SKIL: variants seen among roughly 807,000 people sequenced by gnomAD.
SKIL encodes the protein ski-like protein.
SKIL carries 20 observed loss-of-function variants against 69.6 expected under a neutral mutation model. The observed-to-expected ratio is 0.29, with a 90% CI of 0.20 to 0.42. The LOEUF (loss-of-function observed/expected upper bound fraction) is 0.42, where lower values mean the gene tolerates loss of function less well. Among genes scored for constraint, SKIL ranks in the 10% least tolerant of loss-of-function variants. The pLI, the probability that SKIL is intolerant of heterozygous loss-of-function variation, is 1.00. For synonymous variants in SKIL, 310 were observed against 279.9 expected (o/e 1.11, Z -1.08); for missense variants, 745 against 783.1 (o/e 0.95, Z 0.58).
chr3:170,367,858 A>G (rs1207978450), intron 2 of SKIL, among the ~76,000 whole-genome samples: 3 of 152,216 alleles, frequency 2.0e-5, no homozygotes, highest in African/African-American at 7.2e-5. Flanking sequence ...AAAAATCTCT[A>G]TAGATTACTT....
intron 2 of SKIL, among the ~76,000 whole-genome samples, chr3:170,365,450 T>C (rs1431070258): frequency 6.6e-6 from 1 of 152,140 alleles, no homozygotes; most frequent in East Asian, 1.9e-4. Context: ...TATTTCAGAT[T>C]TTGATTTTTG....
chr3:170,365,066 G>C (rs1035837056), intron 2 of SKIL, among the ~76,000 whole-genome samples: 2 of 152,200 alleles, frequency 1.3e-5, no homozygotes, highest in Non-Finnish European at 2.9e-5. Flanking sequence ...ACGTACTTGA[G>C]TGGTTGTTTT....
chr3:170,359,160 CT>C (rs1242095680), intron 1 of SKIL, among the ~76,000 whole-genome samples: 1 of 152,154 alleles, frequency 6.6e-6, no homozygotes, highest in Non-Finnish European at 1.5e-5. Context: ...CTCGAAAGGC[CT>C]TTTATGTTAT....
Position 170,365,752 on chromosome 3 carries a change from C to CTTTTTTTTTTT in SKIL, c.1098+4334_1098+4344dup, listed in dbSNP as rs59222162. Among the ~76,000 whole-genome samples, 139 of 106,428 alleles carry CTTTTTTTTTTT rather than the reference C, an allele frequency of 1.3e-3. 11 individuals carry two copies. Among genetic ancestry groups the CTTTTTTTTTTT allele is most frequent in the African/African-American group, 4.6e-3 (117 of 25,198 alleles). 69.8% of individuals were successfully genotyped at this position (106,428 alleles called of 152,430 possible). A position where few individuals can be genotyped will look rare whatever the true frequency, so the allele number is the denominator to read the frequency against. ...GCTCATTTTAAAAAGTCAAACTAGG[C>CTTTTTTTTTTT]TTTTTTTTTTTTTTTTTTTTTGAGA... On this transcript the variant is annotated intron_variant, in intron 2 of 6. Transcript: ENST00000259119.
intron 2 of SKIL, among the ~76,000 whole-genome samples, chr3:170,377,488 T>A (rs1485249123): frequency 6.6e-6 from 1 of 151,132 alleles, no homozygotes; most frequent in African/African-American, 2.4e-5. Context: ...ATATTAATTT[T>A]TTTCTTATAA....
At chr3:170,358,653 G>C (rs1000409622) in intron 1 of SKIL, 2 of 152,242 alleles carry the variant, frequency 1.3e-5, no homozygotes, top group African/African-American at 4.8e-5. Flanking sequence ...AAGGTAAAGT[G>C]CTGAGAGTTT....
intron 6 of SKIL, among the ~76,000 whole-genome samples, chr3:170,391,941 T>C (rs1737945513): frequency 6.6e-6 from 1 of 152,228 alleles, no homozygotes; most frequent in African/African-American, 2.4e-5. Flanking sequence ...AATTCTCTTT[T>C]GTTAATAGAA....
intron 2 of SKIL, among the ~76,000 whole-genome samples, chr3:170,366,698 C>CACACAGACACACAA (rs769947832): frequency 6.8e-6 from 1 of 147,970 alleles, no homozygotes; most frequent in African/African-American, 2.6e-5. Flanking sequence ...CACACACAGA[C>CACACAGACACACAA]ACACACACAC....
Position 170,381,307 on chromosome 3 carries a change from C to T in SKIL, c.1162C>T (p.His388Tyr). 3 of 1,593,296 alleles carry T rather than the reference C, an allele frequency of 1.9e-6. No individual in the cohort carries two copies. Among genetic ancestry groups the T allele is most frequent in the Non-Finnish European group, 2.6e-6 (3 of 1,161,068 alleles). Reference sequence around the variant, plus strand: ...TCCTGTTATAAAGCAGGAAGGTGACCATGTTTCTCAGACACATTCATTTTT... The same window carrying T: ...TCCTGTTATAAAGCAGGAAGGTGACTATGTTTCTCAGACACATTCATTTTT... ...WYPVIKQEGD[H>Y]VSQTHSFLHP... The change falls in exon 3 of 7, where the codon CAT (histidine) becomes TAT (tyrosine). Residue 388 changes from histidine to tyrosine, a missense_variant. His to Tyr is a moderately conservative substitution (Grantham distance 83). Coordinates refer to ENST00000259119, the MANE Select transcript of SKIL (RefSeq NM_005414.5).
At chr3:170,368,620 T>C (rs1736655848) in intron 2 of SKIL, among the ~76,000 whole-genome samples, 1 of 152,222 alleles carries the variant, frequency 6.6e-6, no homozygotes, top group South Asian at 2.1e-4. Context: ...TGAAATATTA[T>C]GTATTTGAGG....
chr3:170,374,160 T>C (rs1470683420), intron 2 of SKIL, among the ~76,000 whole-genome samples: 1 of 152,236 alleles, frequency 6.6e-6, no homozygotes, highest in Non-Finnish European at 1.5e-5. Flanking sequence ...AGAGAAACTT[T>C]CATAAAATGT....
chr3:170,364,556 A>G (rs1233358206), intron 2 of SKIL, among the ~76,000 whole-genome samples: 2 of 150,828 alleles, frequency 1.3e-5, no homozygotes, highest in African/African-American at 4.9e-5. Context: ...TCCTGACCTG[A>G]GGTGATCCGA....
At chr3:170,387,811 G>A in intron 4 of SKIL, among the ~76,000 whole-genome samples, 1 of 141,858 alleles carries the variant, frequency 7.0e-6, no homozygotes, top group South Asian at 2.3e-4. Context: ...GCGGGCGCCT[G>A]TAGTCCCAGC....
chr3:170,390,121 T>C, intron 4 of SKIL, 102 bp from the exon 5 acceptor site: 1 of 832,736 alleles, frequency 1.2e-6, no homozygotes, highest in Non-Finnish European at 1.9e-6. Flanking sequence ...TTGGTCTAAT[T>C]TATAAATGAA....
At chr3:170,389,316 C>CTTT (rs763858925) in intron 4 of SKIL, among the ~76,000 whole-genome samples, 1 of 137,106 alleles carries the variant, frequency 7.3e-6, no homozygotes, top group Non-Finnish European at 1.6e-5. Context: ...TTATTCTTTC[C>CTTT]TTTTTTTTTT....
At chr3:170,364,533 G>A (rs1005390191) in intron 2 of SKIL, among the ~76,000 whole-genome samples, 7 of 150,664 alleles carry the variant, frequency 4.6e-5, no homozygotes, top group African/African-American at 1.2e-4. Flanking sequence ...CAGCCTAGCC[G>A]GCTGGTCTTA....
intron 3 of SKIL, 74 bp from the exon 4 acceptor site, chr3:170,384,459 G>T (rs1187177559): frequency 4.5e-6 from 3 of 659,580 alleles, no homozygotes; most frequent in Non-Finnish European, 7.7e-6. Context: ...CCACAGAAAT[G>T]CATGTTACAT....
intron 3 of SKIL, 66 bp from the exon 4 acceptor site, chr3:170,384,467 C>A: frequency 1.4e-6 from 1 of 700,128 alleles, no homozygotes; most frequent in Non-Finnish European, 2.4e-6. Context: ...ATGCATGTTA[C>A]ATATTTGATT....
intron 2 of SKIL, among the ~76,000 whole-genome samples, chr3:170,370,432 A>C (rs1483415494): frequency 1.4e-3 from 44 of 32,038 alleles, no homozygotes; most frequent in African/African-American, 4.3e-3. Context: ...AGAGAGAGAG[A>C]GAGAGAGCCC....
Sources: gnomAD v4.1 joint callset for allele counts (sites outside exome capture counted in the v4.1 genomes callset) on GRCh38, gnomAD v4.1.1 for gene constraint, MANE v1.5 for transcripts, NCBI Gene and HGNC (gene_info 2026-07-23, HGNC 2026-07-21) for gene names.